The following PDZRN4 variants were observed in gnomAD, a reference collection of about 807,000 sequenced individuals.
PDZRN4 encodes PDZ domain-containing RING finger protein 4.
Under a neutral mutation model 99.0 loss-of-function variants are expected in PDZRN4, and 70 were observed. The observed-to-expected ratio is 0.71, with a 90% CI of 0.58 to 0.86. PDZRN4 has a LOEUF of 0.86. Ranked by LOEUF, PDZRN4 falls within the 40% of genes least tolerant of loss-of-function variation. The pLI, the probability that PDZRN4 is intolerant of heterozygous loss-of-function variation, is 0.00. For synonymous variants in PDZRN4, 551 were observed against 501.6 expected (o/e 1.10, Z -1.32); for missense variants, 1,474 against 1,331.2 (o/e 1.11, Z -1.67).
At chr12:41,493,291 C>T (rs149595608) in intron 3 of PDZRN4, among the ~76,000 whole-genome samples, 3 of 152,258 alleles carry the variant, frequency 2.0e-5, no homozygotes, top group East Asian at 1.9e-4. Context: ...TTTTACTGGG[C>T]ATTGGCAGGA....
intron 3 of PDZRN4, among the ~76,000 whole-genome samples, chr12:41,398,838 A>T (rs918362668): frequency 1.3e-5 from 2 of 152,198 alleles, no homozygotes; most frequent in African/African-American, 4.8e-5. Flanking sequence ...CTAGGTGCTC[A>T]GTAGTTTTTT....
At chr12:41,569,239 C>T (rs1270838012) in intron 9 of PDZRN4, among the ~76,000 whole-genome samples, 1 of 152,130 alleles carries the variant, frequency 6.6e-6, no homozygotes, top group Admixed American at 6.6e-5. Context: ...CCTGCCTCAG[C>T]CTCCTGAGTA....
chr12:41,505,351 C>A (rs1205371094), intron 3 of PDZRN4, among the ~76,000 whole-genome samples: 1 of 152,218 alleles, frequency 6.6e-6, no homozygotes. Flanking sequence ...CAAAAACCAG[C>A]ATTATCGATT....
At chr12:41,232,046 T>TA (rs1555218062) in intron 3 of PDZRN4, among the ~76,000 whole-genome samples, 1 of 151,810 alleles carries the variant, frequency 6.6e-6, no homozygotes, top group Non-Finnish European at 1.5e-5. Flanking sequence ...ACGAGGTATA[T>TA]AAAAAAATTT....
At chr12:41,558,636 G>T (rs1425016342) in intron 7 of PDZRN4, among the ~76,000 whole-genome samples, 1 of 152,166 alleles carries the variant, frequency 6.6e-6, no homozygotes, top group South Asian at 2.1e-4. Context: ...GAAAATACCT[G>T]CTAGATAATA....
At chr12:41,197,641 C>T (rs929721768) in intron 3 of PDZRN4, among the ~76,000 whole-genome samples, 5 of 152,152 alleles carry the variant, frequency 3.3e-5, no homozygotes, top group Admixed American at 6.5e-5. Flanking sequence ...CACAGAAATT[C>T]ACATACACCA....
At chr12:41,475,572 C>A (rs1953034583) in intron 3 of PDZRN4, among the ~76,000 whole-genome samples, 1 of 152,150 alleles carries the variant, frequency 6.6e-6, no homozygotes, top group South Asian at 2.1e-4. Flanking sequence ...TAAGAACATT[C>A]ACGTACTCAA....
intron 3 of PDZRN4, among the ~76,000 whole-genome samples, chr12:41,375,739 G>T (rs1437256180): frequency 6.6e-6 from 1 of 152,070 alleles, no homozygotes; most frequent in Non-Finnish European, 1.5e-5. Flanking sequence ...TTACCATTTT[G>T]TGTGTTTGTG....
chr12:41,342,540 T>C (rs1397601055), intron 3 of PDZRN4, among the ~76,000 whole-genome samples: 1 of 148,890 alleles, frequency 6.7e-6, no homozygotes, highest in African/African-American at 2.5e-5. Flanking sequence ...AATGAGCAAA[T>C]GATCTCAATA....
intron 3 of PDZRN4, among the ~76,000 whole-genome samples, chr12:41,434,719 A>G (rs1024223775): frequency 1.2e-4 from 18 of 152,188 alleles, no homozygotes; most frequent in Non-Finnish European, 1.9e-4. Flanking sequence ...ATAAGTAACT[A>G]TATCTTGAAA....
At chr12:41,429,235 C>T (rs1177718179) in intron 3 of PDZRN4, among the ~76,000 whole-genome samples, 1 of 152,116 alleles carries the variant, frequency 6.6e-6, no homozygotes, top group African/African-American at 2.4e-5. Flanking sequence ...TTGATTATTC[C>T]TTAAAACAGA....
chr12:41,555,004 C>A (rs1028638086), intron 6 of PDZRN4, among the ~76,000 whole-genome samples: 2 of 137,990 alleles, frequency 1.4e-5, no homozygotes, highest in Non-Finnish European at 3.0e-5. Context: ...GTCAGGAGAT[C>A]AAGACCATCC....
chr12:41,231,513 C>T (rs1951029701), intron 3 of PDZRN4, among the ~76,000 whole-genome samples: 1 of 152,092 alleles, frequency 6.6e-6, no homozygotes, highest in Middle Eastern at 3.4e-3. Context: ...AAATAGATTT[C>T]CCTGGAGGTA....
chr12:41,363,222 T>C (rs4350419), intron 3 of PDZRN4, among the ~76,000 whole-genome samples: 1 of 152,106 alleles, frequency 6.6e-6, no homozygotes, highest in African/African-American at 2.4e-5. Flanking sequence ...TACTACTAAA[T>C]GCCTGAAGCA....
At chr12:41,461,645 G>C (rs1952874645) in intron 3 of PDZRN4, among the ~76,000 whole-genome samples, 2 of 151,814 alleles carry the variant, frequency 1.3e-5, no homozygotes, top group Non-Finnish European at 2.9e-5. Context: ...TAAAATTTTG[G>C]GATCAAGATT....
intron 3 of PDZRN4, among the ~76,000 whole-genome samples, chr12:41,207,500 A>C (rs1224324450): frequency 6.6e-6 from 1 of 151,876 alleles, no homozygotes; most frequent in Non-Finnish European, 1.5e-5. Flanking sequence ...ATGTGGGGTC[A>C]TGAACTGCCA....
chr12:41,384,799 G>T (rs1214810632), intron 3 of PDZRN4, among the ~76,000 whole-genome samples: 1 of 152,146 alleles, frequency 6.6e-6, no homozygotes, highest in Non-Finnish European at 1.5e-5. Context: ...TTTCACCCAG[G>T]AAAAGGGAAA....
chr12:41,565,693 T>A (rs1432719703), intron 8 of PDZRN4, among the ~76,000 whole-genome samples: 5 of 152,128 alleles, frequency 3.3e-5, no homozygotes, highest in Non-Finnish European at 5.9e-5. Flanking sequence ...AAATAACTCA[T>A]TTTCCTCATT....
chr12:41,524,073 G>C (rs1275109403), intron 5 of PDZRN4, among the ~76,000 whole-genome samples: 1 of 152,100 alleles, frequency 6.6e-6, no homozygotes, highest in Non-Finnish European at 1.5e-5. Context: ...ACAAGGAACT[G>C]TCTGAAAAGG....
Sources: gnomAD v4.1 joint callset for allele counts (sites outside exome capture counted in the v4.1 genomes callset) on GRCh38, gnomAD v4.1.1 for gene constraint, MANE v1.5 for transcripts, NCBI Gene and HGNC (gene_info 2026-07-23, HGNC 2026-07-21) for gene names.